The following ANAPC10 variants were observed in gnomAD, a reference collection of about 807,000 sequenced individuals.
The protein encoded by ANAPC10 is anaphase promoting complex subunit 10, also known as anaphase-promoting complex subunit 10.
ANAPC10 carries 12 observed loss-of-function variants against 22.0 expected under a neutral mutation model. That is an observed-to-expected ratio of 0.55 (90% confidence interval 0.35 to 0.88). The LOEUF is 0.88. Ranked by LOEUF, ANAPC10 falls within the 40% of genes least tolerant of loss-of-function variation. ANAPC10 has a pLI of 0.01. For synonymous variants in ANAPC10, 65 were observed against 69.5 expected (o/e 0.94, Z 0.32); for missense variants, 188 against 220.9 (o/e 0.85, Z 0.94).
intron 4 of ANAPC10, among the ~76,000 whole-genome samples, chr4:145,048,185 G>A (rs112643765): frequency 1.2e-3 from 180 of 152,224 alleles, no homozygotes; most frequent in Non-Finnish European, 2.3e-3. Context: ...AAAGGCCACT[G>A]CAGAAATAAA....
chr4:145,034,142 C>A (rs951215782), intron 4 of ANAPC10, among the ~76,000 whole-genome samples: 1 of 151,906 alleles, frequency 6.6e-6, no homozygotes, highest in African/African-American at 2.4e-5. Context: ...GGTAGACTTG[C>A]GATGGTTAAT....
chr4:145,088,604 A>G (rs935556825), intron 2 of ANAPC10, among the ~76,000 whole-genome samples: 5 of 152,190 alleles, frequency 3.3e-5, no homozygotes, highest in South Asian at 4.1e-4. Context: ...ATTCCTTTCC[A>G]TATCAACAGT....
intron 4 of ANAPC10, among the ~76,000 whole-genome samples, chr4:145,006,930 G>A (rs538859333): frequency 6.6e-6 from 1 of 151,966 alleles, no homozygotes; most frequent in East Asian, 1.9e-4. Context: ...CCTAAAATTA[G>A]TCCCACAATA....
chr4:145,026,920 C>CATATATATAT (rs150548781), intron 4 of ANAPC10, among the ~76,000 whole-genome samples: 25 of 17,030 alleles, frequency 1.5e-3, no homozygotes, highest in East Asian at 5.7e-3. Context: ...CCTATACATA[C>CATATATATAT]ATATATATAT....
At chr4:145,008,103 C>A (rs1733706498) in intron 4 of ANAPC10, among the ~76,000 whole-genome samples, 1 of 151,926 alleles carries the variant, frequency 6.6e-6, no homozygotes, top group Non-Finnish European at 1.5e-5. Context: ...GGATAAATTC[C>A]TGGACACATA....
At chr4:145,008,714 A>G (rs187940326) in intron 4 of ANAPC10, among the ~76,000 whole-genome samples, 19 of 152,344 alleles carry the variant, frequency 1.2e-4, no homozygotes, top group Admixed American at 3.3e-4. Context: ...TATTTATGAC[A>G]AACCCACAGC....
intron 4 of ANAPC10, among the ~76,000 whole-genome samples, chr4:145,055,472 C>T (rs1271056684): frequency 6.6e-6 from 1 of 152,024 alleles, no homozygotes; most frequent in Non-Finnish European, 1.5e-5. Flanking sequence ...GCATGAGAAT[C>T]ACTTGAACCC....
chr4:145,052,100 G>A (rs569699398), intron 4 of ANAPC10, among the ~76,000 whole-genome samples: 130 of 152,220 alleles, frequency 8.5e-4, no homozygotes, highest in African/African-American at 2.8e-3. Flanking sequence ...GGTTACCTGG[G>A]GCTGGGAGTA....
intron 3 of ANAPC10, among the ~76,000 whole-genome samples, chr4:145,074,199 A>G (rs1055524322): frequency 6.6e-6 from 1 of 151,626 alleles, no homozygotes; most frequent in African/African-American, 2.4e-5. Context: ...TTTCCATTTA[A>G]GTACAAAATT....
intron 2 of ANAPC10, among the ~76,000 whole-genome samples, chr4:145,086,444 G>A (rs572353339): frequency 3.9e-5 from 6 of 152,268 alleles, no homozygotes; most frequent in African/African-American, 9.6e-5. Context: ...GCAGTGGTTC[G>A]TACAGTGTCG....
At chr4:145,082,236 G>A (rs567107118) in intron 2 of ANAPC10, among the ~76,000 whole-genome samples, 1 of 152,262 alleles carries the variant, frequency 6.6e-6, no homozygotes, top group Non-Finnish European at 1.5e-5. Context: ...TGCAACCTCC[G>A]CCTCCCGGAT....
At chr4:145,052,972 G>A (rs575858895) in intron 4 of ANAPC10, among the ~76,000 whole-genome samples, 14 of 152,030 alleles carry the variant, frequency 9.2e-5, no homozygotes, top group Admixed American at 2.6e-4. Context: ...GAAGAAGTAG[G>A]AAAAACAGCA....
At chr4:145,077,655 C>G (rs1745383854) in intron 3 of ANAPC10, among the ~76,000 whole-genome samples, 1 of 151,936 alleles carries the variant, frequency 6.6e-6, no homozygotes, top group South Asian at 2.1e-4. Context: ...AGCAGCACAT[C>G]AAAAAAAGGC....
intron 4 of ANAPC10, among the ~76,000 whole-genome samples, chr4:145,047,414 T>A (rs1740471497): frequency 6.6e-6 from 1 of 152,118 alleles, no homozygotes; most frequent in African/African-American, 2.4e-5. Flanking sequence ...TGGGGGAATA[T>A]CAGCAAGTTT....
chr4:145,093,283 T>C (rs1349427675), intron 2 of ANAPC10, among the ~76,000 whole-genome samples: 1 of 152,188 alleles, frequency 6.6e-6, no homozygotes. Context: ...TGTGAGACAC[T>C]GAAGGTAACC....
chr4:145,086,464 C>G (rs539896438), intron 2 of ANAPC10, among the ~76,000 whole-genome samples: 1 of 152,246 alleles, frequency 6.6e-6, no homozygotes, highest in South Asian at 2.1e-4. Flanking sequence ...GTTCCTGAAC[C>G]AGCAGCATCA....
intron 4 of ANAPC10, among the ~76,000 whole-genome samples, chr4:145,044,114 A>G (rs894387459): frequency 1.3e-5 from 2 of 152,108 alleles, no homozygotes; most frequent in Non-Finnish European, 2.9e-5. Context: ...AAAACAAAAC[A>G]AAAAATAGAT....
Position 145,011,293 on chromosome 4 carries a change from C to T in ANAPC10, c.328-15690G>A, listed in dbSNP as rs528756767. On this transcript the variant is annotated intron_variant, in intron 4 of 4. Coordinates refer to ENST00000507656, the MANE Select transcript of ANAPC10 (RefSeq NM_001256706.2). ...CGGAGGTTGCAGTAAGCCAAGATTG[C>T]GCCACTGTACTCTGGCCTGGATGAC... 2.5e-3 allele frequency among the ~76,000 whole-genome samples: 367 copies of T among 149,790 alleles called. 4 individuals are homozygous for T. The highest frequency in any genetic ancestry group is 6.8e-3 in the Middle Eastern group (2 of 292).
In ANAPC10 at chr4:145,031,905, C is replaced by T. The variant is rs146291608; in HGVS notation, c.327+32667G>A. Among the ~76,000 whole-genome samples, 777 of 152,268 alleles carry T rather than the reference C, an allele frequency of 5.1e-3. 5 individuals are homozygous for T. Among genetic ancestry groups the T allele is most frequent in the Non-Finnish European group, 5.8e-3 (393 of 68,020 alleles). On this transcript the variant is annotated intron_variant, in intron 4 of 4. Transcript: ENST00000507656. ...CCTGAACTGACTATCATGAACTGGGCGCTTTCTGACCCATCTAACTATAAA... is the reference window on the plus strand; with the variant it reads ...CCTGAACTGACTATCATGAACTGGGTGCTTTCTGACCCATCTAACTATAAA...
Sources: allele counts gnomAD v4.1 joint callset (sites outside exome capture counted in the v4.1 genomes callset), GRCh38; gene constraint gnomAD v4.1.1; transcripts MANE v1.5; gene names NCBI Gene and HGNC (gene_info 2026-07-23, HGNC 2026-07-21).